DOCK8: variants seen among roughly 807,000 people sequenced by gnomAD.
DOCK8 encodes dedicator of cytokinesis 8.
A neutral mutation model predicts 245.6 loss-of-function variants in DOCK8; 141 were observed. The ratio of observed to expected loss-of-function variants is 0.57; its 90% CI spans 0.50 to 0.66. The LOEUF (loss-of-function observed/expected upper bound fraction) is 0.66, where lower values mean the gene tolerates loss of function less well. DOCK8 is among the 30% of genes least tolerant of loss of function. The pLI is 0.00. For missense variants in DOCK8, 2,965 were observed against 2,603.4 expected (o/e 1.14, Z -3.02); for synonymous variants, 1,168 against 970.2 (o/e 1.20, Z -3.79).
intron 4 of DOCK8, among the ~76,000 whole-genome samples, chr9:300,007 G>GCA (rs1193270956): frequency 2.3e-5 from 3 of 131,214 alleles, no homozygotes; most frequent in Non-Finnish European, 4.9e-5. Flanking sequence ...GGGCGACAGT[G>GCA]AGACTCCGTC....
At chr9:422,326 A>G (rs957288585) in intron 33 of DOCK8, among the ~76,000 whole-genome samples, 191 bp downstream of exon 33, 1 of 152,182 alleles carries the variant, frequency 6.6e-6, no homozygotes, top group Non-Finnish European at 1.5e-5. Context: ...TCCAGCTCTT[A>G]AAAATTTGTC....
rs1343200293 is a variant in DOCK8, at chr9:463,611, G to A, written c.6163G>A (p.Glu2055Lys). Residue 2055 changes from glutamate to lysine, a missense_variant, in exon 47 of 48, where the codon GAG becomes AAG. Transcript: ENST00000432829. ...CAAAAAGAACTATAACAAGCTAAAAGAGAACCTCAGGCCAATGATCGAGCG... is the reference window on the plus strand; with the variant it reads ...CAAAAAGAACTATAACAAGCTAAAAAAGAACCTCAGGCCAATGATCGAGCG... ...ELKKNYNKLK[E>K]NLRPMIERKI... is the part of the protein sequence containing the mutation. The A allele has an allele frequency of 4.3e-6, 7 of 1,613,898 alleles. No individual in the cohort carries two copies. Among genetic ancestry groups the A allele is most frequent in the Non-Finnish European group, 5.9e-6 (7 of 1,180,054 alleles).
chr9:304,767 C>A, intron 5 of DOCK8, 63 bp downstream of exon 5: 2 of 1,611,026 alleles, frequency 1.2e-6, no homozygotes, highest in South Asian at 2.2e-5. Flanking sequence ...GGCATGCTGT[C>A]AGTTTTACAA....
At chr9:226,092 G>C (rs1358496175) in intron 1 of DOCK8, among the ~76,000 whole-genome samples, 1 of 152,184 alleles carries the variant, frequency 6.6e-6, no homozygotes, top group Admixed American at 6.5e-5. Flanking sequence ...CCCAAGACTG[G>C]ATAATTTATA....
At chr9:306,247 C>A in intron 5 of DOCK8, among the ~76,000 whole-genome samples, 1 of 152,250 alleles carries the variant, frequency 6.6e-6, no homozygotes, top group African/African-American at 2.4e-5. Context: ...AAGGTGGTCC[C>A]CCTAAAGCAA....
intron 39 of DOCK8, among the ~76,000 whole-genome samples, chr9:435,597 G>T (rs1228355645): frequency 1.3e-5 from 2 of 152,094 alleles, no homozygotes; most frequent in South Asian, 2.1e-4. Flanking sequence ...AACTTTATAG[G>T]GGCCCACTCT....
chr9:212,429 G>A (rs936385517), upstream of DOCK8, among the ~76,000 whole-genome samples: 4 of 152,134 alleles, frequency 2.6e-5, no homozygotes, highest in South Asian at 2.1e-4. Context: ...CATCAGATGC[G>A]GAAAGAAGGA....
intron 4 of DOCK8, among the ~76,000 whole-genome samples, chr9:302,999 AAG>A (rs1332001839): frequency 6.6e-6 from 1 of 151,942 alleles, no homozygotes; most frequent in Non-Finnish European, 1.5e-5. Flanking sequence ...AAAAAAGAAA[AAG>A]AAAAAGAAAA....
chr9:243,996 A>G (rs1405348937), intron 1 of DOCK8, among the ~76,000 whole-genome samples: 46 of 151,996 alleles, frequency 3.0e-4, no homozygotes. Context: ...CATCCTGGCT[A>G]ACATGGTGAA....
Position 344,403 on chromosome 9 carries a change from G to A in DOCK8, c.1679+4082G>A, listed in dbSNP as rs555630088. Among the ~76,000 whole-genome samples the A allele has an allele frequency of 1.4e-4, 22 of 152,136 alleles. No individual in the cohort carries two copies. The South Asian group carries it at 3.3e-3, about 23-fold the overall frequency. ...CTTCTCCAGTCCTTGTGTGCTTTAGGGTGGTTTTGATTAGATTGGGCTTGA... is the reference window on the plus strand; with the variant it reads ...CTTCTCCAGTCCTTGTGTGCTTTAGAGTGGTTTTGATTAGATTGGGCTTGA... On this transcript the variant is annotated intron_variant, in intron 14 of 47. Coordinates refer to ENST00000432829, the MANE Select transcript of DOCK8 (RefSeq NM_203447.4).
At position 358,652 on chromosome 9, in the gene DOCK8, A is replaced by G. The variant is rs571808339; in HGVS notation, c.1680-9366A>G. Among the ~76,000 whole-genome samples the G allele has an allele frequency of 1.8e-4, 22 of 125,058 alleles. No individual in the cohort carries two copies. In the South Asian group the frequency reaches 6.6e-3, roughly 38 times the overall value. 82.0% of individuals were successfully genotyped at this position (125,058 alleles called of 152,430 possible). A position where few individuals can be genotyped will look rare whatever the true frequency, so the allele number is the denominator to read the frequency against. Reference sequence around the variant, plus strand: ...TCACTTGAGGTCAGGAGTTCAAGACAAACCTGGCCAACATGGTGAAACCCT... The same window carrying G: ...TCACTTGAGGTCAGGAGTTCAAGACGAACCTGGCCAACATGGTGAAACCCT... On this transcript the variant is annotated intron_variant, in intron 14 of 47. Coordinates refer to ENST00000432829, the MANE Select transcript of DOCK8 (RefSeq NM_203447.4).
Position 464,700 on chromosome 9 carries a change from C to G in DOCK8, c.*481C>G, listed in dbSNP as rs768134011. 1.1e-5 allele frequency: 2 copies of G among 182,620 alleles called. No individual in the cohort carries two copies. Among genetic ancestry groups the G allele is most frequent in the Non-Finnish European group, 2.4e-5 (2 of 84,932 alleles). The allele number at this position is 182,620 out of a possible 1,614,324, so 11.3% of individuals were successfully genotyped here. On this transcript the variant is annotated 3_prime_UTR_variant, in exon 48 of 48. Transcript: ENST00000432829. ...GGAGTACGAAACATTTTCAATAAAT[C>G]TACAAAGGGAAGCCTTACTACAATT... is the stretch of plus-strand genomic sequence containing the variant.
chr9:349,239 A>C (rs185522904), intron 14 of DOCK8, among the ~76,000 whole-genome samples: 1 of 152,248 alleles, frequency 6.6e-6, no homozygotes, highest in Non-Finnish European at 1.5e-5. Context: ...ATCAGATGTC[A>C]TGTGTCTTTT....
intron 4 of DOCK8, among the ~76,000 whole-genome samples, chr9:297,597 G>A (rs2049318444): frequency 6.6e-6 from 1 of 152,156 alleles, no homozygotes; most frequent in African/African-American, 2.4e-5. Context: ...GTGGGGTAAT[G>A]AAGCTGGGAC....
At chr9:331,338 G>C (rs10970805) in intron 9 of DOCK8, among the ~76,000 whole-genome samples, 41,688 of 152,080 alleles carry the variant, frequency 0.27, 6,398 homozygotes, top group African/African-American at 0.39. Context: ...GTGGCAATGG[G>C]AGGGGGTTTT....
intron 4 of DOCK8, among the ~76,000 whole-genome samples, chr9:301,785 A>G (rs2049555312): frequency 6.6e-6 from 1 of 152,242 alleles, no homozygotes; most frequent in Admixed American, 6.5e-5. Context: ...AATACAGCTA[A>G]TCAAGGAGGT....
chr9:299,007 A>G (rs555947027), intron 4 of DOCK8, among the ~76,000 whole-genome samples: 1 of 151,898 alleles, frequency 6.6e-6, no homozygotes, highest in Non-Finnish European at 1.5e-5. Flanking sequence ...TTCTTTGGTA[A>G]TTTTTCCCCC....
chr9:415,691 T>C (rs1221248098), intron 29 of DOCK8, among the ~76,000 whole-genome samples: 43 of 96,672 alleles, frequency 4.4e-4, no homozygotes, highest in African/African-American at 2.0e-3. Flanking sequence ...TGTGCGCGCG[T>C]GCACACACAC....
chr9:250,185 G>C (rs531123492), intron 1 of DOCK8, among the ~76,000 whole-genome samples: 1 of 152,340 alleles, frequency 6.6e-6, no homozygotes, highest in East Asian at 1.9e-4. Context: ...GGGCAAGAGA[G>C]GGCTGAGTTG....
Sources: gnomAD v4.1 joint callset for allele counts (sites outside exome capture counted in the v4.1 genomes callset) on GRCh38, gnomAD v4.1.1 for gene constraint, MANE v1.5 for transcripts, NCBI Gene and HGNC (gene_info 2026-07-23, HGNC 2026-07-21) for gene names.